LINGO2: variants seen among roughly 807,000 people sequenced by gnomAD.
The protein encoded by LINGO2 is leucine rich repeat and Ig domain containing 2.
Under a neutral mutation model 30.6 loss-of-function variants are expected in LINGO2, and 14 were observed. The ratio of observed to expected loss-of-function variants is 0.46; its 90% CI spans 0.30 to 0.72. The LOEUF (loss-of-function observed/expected upper bound fraction) is 0.72, where lower values mean the gene tolerates loss of function less well. LINGO2 is among the 30% of genes least tolerant of loss of function. The pLI is 0.07. For synonymous variants in LINGO2, 317 were observed against 288.5 expected, an observed-to-expected ratio of 1.10 and a Z score of -1.00; for missense variants, 729 against 751.7, an observed-to-expected ratio of 0.97 and a Z score of 0.35.
At chr9:28,481,984 T>G (rs1825989531) in intron 1 of LINGO2, among the ~76,000 whole-genome samples, 1 of 152,192 alleles carries the variant, frequency 6.6e-6, no homozygotes, top group African/African-American at 2.4e-5. Flanking sequence ...TAGTATTCCA[T>G]GGTGTATATG....
rs568043572 is a variant in LINGO2 at position 28,110,574 on chromosome 9, C to T, written c.-86-98169G>A. On this transcript the variant is annotated intron_variant, in intron 4 of 5. Transcript: ENST00000379992. ...GAAAATAAAACCATCGAAAAGTGGG[C>T]TAAGTATATGCATGGACCCTTCTCA... Among the ~76,000 whole-genome samples the T allele has an allele frequency of 3.9e-5, 6 of 152,068 alleles. 1 individual carries two copies. The South Asian group carries it at 6.2e-4, about 16-fold the overall frequency.
At chr9:28,221,239 G>T (rs1421550534) in intron 4 of LINGO2, among the ~76,000 whole-genome samples, 1 of 149,470 alleles carries the variant, frequency 6.7e-6, no homozygotes, top group Non-Finnish European at 1.5e-5. Flanking sequence ...GGCGGAGCTT[G>T]CAGTGAGCGG....
chr9:28,737,385 A>G, the LINGO2 span, among the ~76,000 whole-genome samples: 1 of 152,222 alleles, frequency 6.6e-6, no homozygotes, highest in African/African-American at 2.4e-5. Context: ...CTCAGATTGC[A>G]GAAACATGGC....
At chr9:28,428,550 A>AACTGCTTGG (rs1823512595) in intron 2 of LINGO2, among the ~76,000 whole-genome samples, 1 of 152,206 alleles carries the variant, frequency 6.6e-6, no homozygotes, top group African/African-American at 2.4e-5. Flanking sequence ...AGACCTTAAC[A>AACTGCTTGG]ACTGCTTGGC....
the LINGO2 span, among the ~76,000 whole-genome samples, chr9:28,864,258 A>C: frequency 6.6e-6 from 1 of 152,118 alleles, no homozygotes; most frequent in Non-Finnish European, 1.5e-5. Context: ...GGCAATCATT[A>C]AATGAGTTTA....
intron 1 of LINGO2, among the ~76,000 whole-genome samples, chr9:28,502,419 G>A (rs1045179101): frequency 6.6e-6 from 1 of 151,868 alleles, no homozygotes; most frequent in Non-Finnish European, 1.5e-5. Context: ...AGTATTTCCA[G>A]CTTAGACCTT....
At chr9:28,028,560 G>T (rs941736651) in intron 4 of LINGO2, among the ~76,000 whole-genome samples, 3 of 152,074 alleles carry the variant, frequency 2.0e-5, no homozygotes, top group Non-Finnish European at 4.4e-5. Flanking sequence ...GTAGATTGAT[G>T]TATCCAGGGG....
chr9:28,166,380 G>A (rs180694660), intron 4 of LINGO2, among the ~76,000 whole-genome samples: 47 of 152,296 alleles, frequency 3.1e-4, no homozygotes, highest in Admixed American at 6.5e-4. Flanking sequence ...TCCTCAGTGG[G>A]AGGTACCTAC....
At chr9:28,360,870 T>C (rs945472915) in intron 3 of LINGO2, among the ~76,000 whole-genome samples, 4 of 152,130 alleles carry the variant, frequency 2.6e-5, no homozygotes, top group African/African-American at 7.2e-5. Context: ...TCAGAATATA[T>C]AGGAGTAACT....
chr9:28,467,039 G>A (rs111727918), intron 2 of LINGO2, among the ~76,000 whole-genome samples: 1 of 150,036 alleles, frequency 6.7e-6, no homozygotes, highest in Non-Finnish European at 1.5e-5. Flanking sequence ...TTTTTTTGGG[G>A]GGGGGGGACG....
At chr9:28,850,161 A>G in the LINGO2 span, among the ~76,000 whole-genome samples, 7 of 152,114 alleles carry the variant, frequency 4.6e-5, no homozygotes, top group South Asian at 1.2e-3. Flanking sequence ...TATAATACAC[A>G]TTACATGAGC....
the LINGO2 span, among the ~76,000 whole-genome samples, chr9:28,880,948 T>G: frequency 3.9e-5 from 6 of 152,196 alleles, no homozygotes; most frequent in African/African-American, 1.2e-4. Flanking sequence ...CATAGATTCT[T>G]TTGCTCACAT....
chr9:27,964,894 T>C (rs948623682), intron 5 of LINGO2, among the ~76,000 whole-genome samples: 2 of 152,044 alleles, frequency 1.3e-5, no homozygotes, highest in Non-Finnish European at 2.9e-5. Flanking sequence ...CTCTTCCAGG[T>C]GGCCTTGTTA....
the LINGO2 span, among the ~76,000 whole-genome samples, chr9:29,129,803 G>C: frequency 6.6e-6 from 1 of 152,070 alleles, no homozygotes; most frequent in Non-Finnish European, 1.5e-5. Context: ...TGGTAGGTAA[G>C]GTTGTAGAGA....
chr9:28,415,177 G>A (rs951513257), intron 2 of LINGO2, among the ~76,000 whole-genome samples: 4 of 152,104 alleles, frequency 2.6e-5, no homozygotes, highest in East Asian at 1.9e-4. Flanking sequence ...ATCAATTCAC[G>A]TGCTAGTTCC....
the LINGO2 span, among the ~76,000 whole-genome samples, chr9:28,695,947 T>C: frequency 3.9e-5 from 6 of 151,968 alleles, no homozygotes; most frequent in South Asian, 6.2e-4. Context: ...GCTCTTTACA[T>C]TGATGTTTCT....
At chr9:28,478,415 C>T (rs1191587105) in intron 1 of LINGO2, among the ~76,000 whole-genome samples, 1 of 151,962 alleles carries the variant, frequency 6.6e-6, no homozygotes, top group South Asian at 2.1e-4. Context: ...TAGGCACATT[C>T]ATCAAACTGC....
intron 1 of LINGO2, among the ~76,000 whole-genome samples, chr9:28,634,456 C>A (rs949732734): frequency 6.6e-6 from 1 of 151,278 alleles, no homozygotes; most frequent in African/African-American, 2.4e-5. Flanking sequence ...AACTCCCCTC[C>A]CCCCACACTT....
chr9:28,044,219 G>A (rs749484513), intron 4 of LINGO2, among the ~76,000 whole-genome samples: 8 of 152,128 alleles, frequency 5.3e-5, no homozygotes, highest in Non-Finnish European at 4.4e-5. Flanking sequence ...TTGTAAAATG[G>A]GAGTAATGAT....
Sources: allele counts gnomAD v4.1 joint callset (sites outside exome capture counted in the v4.1 genomes callset), GRCh38; gene constraint gnomAD v4.1.1; transcripts MANE v1.5; gene names NCBI Gene and HGNC (gene_info 2026-07-23, HGNC 2026-07-21).